Variants in OSBPL1A observed in about 807,000 individuals in gnomAD.
OSBPL1A encodes oxysterol binding protein like 1A, also known as oxysterol-binding protein-related protein 1.
A neutral mutation model predicts 137.1 loss-of-function variants in OSBPL1A; 80 were observed. The observed-to-expected ratio is 0.58, with a 90% CI of 0.49 to 0.70. OSBPL1A has a LOEUF of 0.70. OSBPL1A is among the 30% of genes least tolerant of loss of function. The pLI is 0.00. For synonymous variants in OSBPL1A, 365 were observed against 389.7 expected (o/e 0.94, Z 0.75); for missense variants, 970 against 1,129.4 (o/e 0.86, Z 2.02).
chr18:24,167,200 G>A (rs2086163354), intron 25 of OSBPL1A, 129 bp downstream of exon 25: 2 of 777,724 alleles, frequency 2.6e-6, no homozygotes, highest in Non-Finnish European at 4.4e-6. Context: ...GCACCCGGGA[G>A]CCAGTGGGGG....
chr18:24,229,430 T>G lies in OSBPL1A; in HGVS notation c.1445-4232A>C, dbSNP rs557698524. ...GCTCAGTGATTTCTAGTGCAATGAA[T>G]AGAGAGATGTGGAATGTATACTGTG... On this transcript the variant is annotated intron_variant, in intron 16 of 27. Transcript: ENST00000319481. Among the ~76,000 whole-genome samples, 6 of 152,314 alleles carry G rather than the reference T, an allele frequency of 3.9e-5. No individual in the cohort carries two copies. The East Asian group carries it at 1.2e-3, about 29-fold the overall frequency.
At chr18:24,171,943 C>CTTT (rs371618047) in intron 22 of OSBPL1A, among the ~76,000 whole-genome samples, 3 of 140,326 alleles carry the variant, frequency 2.1e-5, no homozygotes, top group African/African-American at 2.6e-5. Context: ...TTGCCTGATC[C>CTTT]TTTTTTTTTT....
chr18:24,283,307 T>C (rs1385275571), intron 14 of OSBPL1A, among the ~76,000 whole-genome samples: 7 of 117,794 alleles, frequency 5.9e-5, no homozygotes, highest in African/African-American at 2.0e-4. Context: ...TATATATGTA[T>C]ATATATACAC....
intron 18 of OSBPL1A, among the ~76,000 whole-genome samples, chr18:24,194,316 C>G (rs2086967613): frequency 1.3e-5 from 2 of 152,062 alleles, no homozygotes; most frequent in Admixed American, 1.3e-4. Context: ...ATGTAACGAG[C>G]TGGAATCAAT....
chr18:24,359,829 AAAGT>A (rs2091595502), intron 4 of OSBPL1A, among the ~76,000 whole-genome samples: 1 of 152,256 alleles, frequency 6.6e-6, no homozygotes, highest in African/African-American at 2.4e-5. Context: ...ATCTGAAAGT[AAAGT>A]AAGGAACAAA....
chr18:24,172,728 A>G (rs1304095641), intron 21 of OSBPL1A, among the ~76,000 whole-genome samples: 2 of 152,196 alleles, frequency 1.3e-5, no homozygotes, highest in Non-Finnish European at 2.9e-5. Flanking sequence ...AACTCCAAAT[A>G]AACTACGTAC....
intron 13 of OSBPL1A, among the ~76,000 whole-genome samples, chr18:24,305,869 G>A (rs2090490506): frequency 1.3e-5 from 2 of 152,086 alleles, no homozygotes; most frequent in Admixed American, 1.3e-4. Flanking sequence ...TCTCTTGCCT[G>A]CTGCCATGTA....
At chr18:24,167,928 G>T (rs114582707) in intron 24 of OSBPL1A, among the ~76,000 whole-genome samples, 145 of 152,282 alleles carry the variant, frequency 9.5e-4, no homozygotes, top group African/African-American at 3.2e-3. Context: ...AGTGTGGGAA[G>T]CCAACGGATA....
At chr18:24,334,212 T>G in intron 6 of OSBPL1A, 33 bp downstream of exon 6, 2 of 1,546,374 alleles carry the variant, frequency 1.3e-6, no homozygotes, top group Non-Finnish European at 1.8e-6. Flanking sequence ...AAAGACTGCT[T>G]TTTGTCTTTT....
chr18:24,279,834 GCTTTT>G (rs775507652), intron 15 of OSBPL1A, among the ~76,000 whole-genome samples: 409 of 152,148 alleles, frequency 2.7e-3, no homozygotes, highest in Middle Eastern at 6.8e-3. Flanking sequence ...TATTTGGTTT[GCTTTT>G]CTTTTCTTTT....
chr18:24,233,186 A>G (rs1424132674), intron 16 of OSBPL1A, among the ~76,000 whole-genome samples: 2 of 152,246 alleles, frequency 1.3e-5, no homozygotes, highest in Non-Finnish European at 2.9e-5. Flanking sequence ...TTATTTAACC[A>G]GTAATAAGTG....
intron 7 of OSBPL1A, among the ~76,000 whole-genome samples, chr18:24,319,953 G>A (rs539380156): frequency 4.0e-5 from 6 of 150,686 alleles, no homozygotes; most frequent in African/African-American, 9.8e-5. Flanking sequence ...AAGACTCGCC[G>A]GGGTAATACA....
intron 18 of OSBPL1A, among the ~76,000 whole-genome samples, chr18:24,194,415 T>C (rs1435961323): frequency 1.3e-5 from 2 of 152,212 alleles, no homozygotes; most frequent in African/African-American, 4.8e-5. Context: ...CATGCATATA[T>C]ACATATTTGC....
chr18:24,364,563 C>T (rs1568055689), intron 4 of OSBPL1A, among the ~76,000 whole-genome samples: 1 of 152,086 alleles, frequency 6.6e-6, no homozygotes, highest in Non-Finnish European at 1.5e-5. Flanking sequence ...CAAGTCCAGC[C>T]TAGGCAATAT....
At position 24,184,969 on chromosome 18, in the gene OSBPL1A, T is replaced by A. The variant is rs186452986; in HGVS notation, c.1678-3690A>T. Among the ~76,000 whole-genome samples the A allele has an allele frequency of 6.0e-4, 91 of 152,242 alleles. 2 individuals carry two copies. The East Asian group carries it at 0.017, about 28-fold the overall frequency. On this transcript the variant is annotated intron_variant, in intron 18 of 27. Coordinates refer to ENST00000319481, the MANE Select transcript of OSBPL1A (RefSeq NM_080597.4). ...ACAGCTAAATGCTGAGTAAAAAAAA[T>A]TGGTTACTTTTGGAATATTATTCAG...
chr18:24,187,722 T>C (rs2086786680), intron 18 of OSBPL1A, among the ~76,000 whole-genome samples: 1 of 152,234 alleles, frequency 6.6e-6, no homozygotes, highest in Admixed American at 6.5e-5. Context: ...ACTCAATGGC[T>C]GGGATACTTT....
chr18:24,287,888 T>A (rs904397915), intron 14 of OSBPL1A, among the ~76,000 whole-genome samples: 5 of 152,230 alleles, frequency 3.3e-5, no homozygotes, highest in African/African-American at 1.2e-4. Flanking sequence ...ACCTATTGGA[T>A]TCTTCAACCT....
At chr18:24,313,083 C>G (rs1218266482) in intron 12 of OSBPL1A, among the ~76,000 whole-genome samples, 1 of 151,050 alleles carries the variant, frequency 6.6e-6, no homozygotes, top group Non-Finnish European at 1.5e-5. Context: ...AAGATCACAC[C>G]AGTGCACTCC....
At chr18:24,239,054 T>C (rs1463369257) in intron 16 of OSBPL1A, among the ~76,000 whole-genome samples, 166 bp downstream of exon 16, 2 of 152,122 alleles carry the variant, frequency 1.3e-5, no homozygotes, top group East Asian at 1.9e-4. Context: ...CTTAATAACA[T>C]GACACACAAA....
Sources: allele counts gnomAD v4.1 joint callset (sites outside exome capture counted in the v4.1 genomes callset), GRCh38; gene constraint gnomAD v4.1.1; transcripts MANE v1.5; gene names NCBI Gene and HGNC (gene_info 2026-07-23, HGNC 2026-07-21).